JPH1: variants seen among roughly 807,000 people sequenced by gnomAD.
JPH1 encodes the protein junctophilin-1.
A neutral mutation model predicts 53.6 loss-of-function variants in JPH1; 12 were observed. That is an observed-to-expected ratio of 0.22 (90% CI 0.14 to 0.36). The LOEUF is 0.36. Among genes scored for constraint, JPH1 ranks in the 10% least tolerant of loss-of-function variants. JPH1 has a pLI of 1.00. For synonymous variants in JPH1, 375 were observed against 363.8 expected, an observed-to-expected ratio of 1.03 and a Z score of -0.35; for missense variants, 808 against 905.5, an observed-to-expected ratio of 0.89 and a Z score of 1.38.
intron 2 of JPH1, among the ~76,000 whole-genome samples, chr8:74,272,063 G>C (rs142371786): frequency 6.6e-6 from 1 of 152,200 alleles, no homozygotes; most frequent in African/African-American, 2.4e-5. Context: ...CTAACGTTAC[G>C]CATGTCCTGC....
At chr8:74,309,629 C>T (rs919560947) in intron 2 of JPH1, among the ~76,000 whole-genome samples, 2 of 152,106 alleles carry the variant, frequency 1.3e-5, no homozygotes, top group African/African-American at 4.8e-5. Flanking sequence ...CTTTGAACAC[C>T]TCATTTAAGG....
At chr8:74,237,981 A>G (rs1807048828) in intron 4 of JPH1, among the ~76,000 whole-genome samples, 1 of 152,210 alleles carries the variant, frequency 6.6e-6, no homozygotes, top group African/African-American at 2.4e-5. Context: ...ATTATAATAA[A>G]TACCAGATAG....
At chr8:74,313,096 C>G (rs563840729) in intron 2 of JPH1, among the ~76,000 whole-genome samples, 2 of 152,246 alleles carry the variant, frequency 1.3e-5, no homozygotes, top group South Asian at 2.1e-4. Context: ...AATGATAAGT[C>G]GTTTGTTAAA....
chr8:74,315,545 G>T lies in JPH1; in HGVS notation c.455C>A (p.Ala152Asp). The T allele has an allele frequency of 6.2e-7, 1 of 1,606,150 alleles. No individual in the cohort carries two copies. Residue 152 changes from alanine to aspartate, a missense_variant, in exon 2 of 6, where the codon GCC becomes GAC. Ala to Asp is a moderately radical substitution (Grantham distance 126). Transcript: ENST00000342232. This position sits in a 1 kb window ranked among gnomAD's most constrained non-coding sequence, Gnocchi z 6.3. ...ACGCAGCGGTGAGCGGATCACCGTG[G>T]CCATGCCGTAGGGCACGCTCTGGCG... is the stretch of plus-strand genomic sequence containing the variant. ...GVRQSVPYGM[A>D]TVIRSPLRTS...
intron 2 of JPH1, among the ~76,000 whole-genome samples, chr8:74,282,204 C>T (rs1244763790): frequency 6.6e-6 from 1 of 152,100 alleles, no homozygotes; most frequent in Non-Finnish European, 1.5e-5. Context: ...TGTGTTCTTC[C>T]CACACTCCAC....
intron 2 of JPH1, among the ~76,000 whole-genome samples, chr8:74,302,199 C>A (rs181120373): frequency 1.6e-3 from 251 of 152,324 alleles, no homozygotes; most frequent in African/African-American, 5.8e-3. Flanking sequence ...CAATGTGCAC[C>A]AGTGCATAAC....
At chr8:74,261,970 C>T (rs1283968992) in intron 2 of JPH1, among the ~76,000 whole-genome samples, 3 of 152,216 alleles carry the variant, frequency 2.0e-5, no homozygotes, top group African/African-American at 7.2e-5. Context: ...TACAGCTTAA[C>T]CTTTCTGCAA....
intron 2 of JPH1, among the ~76,000 whole-genome samples, chr8:74,311,551 T>C (rs1340203144): frequency 6.6e-6 from 1 of 152,140 alleles, no homozygotes; most frequent in Non-Finnish European, 1.5e-5. Context: ...CTTTAAGTTT[T>C]AGGGTATATG....
intron 2 of JPH1, among the ~76,000 whole-genome samples, chr8:74,297,855 T>C (rs1218035428): frequency 6.6e-6 from 1 of 152,104 alleles, no homozygotes; most frequent in African/African-American, 2.4e-5. Context: ...TTATTACCCC[T>C]TAAATAAAAA....
chr8:74,306,322 A>ATGAT (rs1221191402), intron 2 of JPH1, among the ~76,000 whole-genome samples: 3 of 152,310 alleles, frequency 2.0e-5, no homozygotes, highest in African/African-American at 4.8e-5. Flanking sequence ...AGAATTCTCA[A>ATGAT]TGATTGCTCC....
intron 2 of JPH1, among the ~76,000 whole-genome samples, chr8:74,296,913 T>C (rs2131440993): frequency 6.6e-6 from 1 of 152,316 alleles, no homozygotes; most frequent in East Asian, 1.9e-4. Context: ...TAACTCGAAG[T>C]CCACGTATAG....
chr8:74,316,718 C>G (rs1416985754), intron 1 of JPH1, among the ~76,000 whole-genome samples: 1 of 152,140 alleles, frequency 6.6e-6, no homozygotes, highest in African/African-American at 2.4e-5. Flanking sequence ...TCATGATAGT[C>G]TGTCATCTAG....
At chr8:74,259,650 G>A (rs1412507111) in intron 2 of JPH1, 147 bp from the exon 3 acceptor site, 36 of 570,718 alleles carry the variant, frequency 6.3e-5, no homozygotes, top group Middle Eastern at 5.9e-4. Context: ...TCCTATTGCC[G>A]TGAAATTTCA....
chr8:74,291,519 A>G (rs1386203265), intron 2 of JPH1, among the ~76,000 whole-genome samples: 1 of 152,228 alleles, frequency 6.6e-6, no homozygotes, highest in East Asian at 1.9e-4. Context: ...ACACTTTTAC[A>G]CTGTTGGTGG....
At position 74,315,803 on chromosome 8, in the gene JPH1, T is replaced by C. The variant is rs932870159; in HGVS notation, c.380-183A>G. ...CCCTGTAATTTTGGGTGTAAGGCTT[T>C]AATGTCATTGCACAGAATTTTCTAG... On this transcript the variant is annotated intron_variant, in intron 1 of 5. Transcript: ENST00000342232. The surrounding 1 kb of genome is among the most constrained non-coding windows in gnomAD (Gnocchi z 6.3). 6.6e-6 allele frequency among the ~76,000 whole-genome samples: 1 copy of C among 152,256 alleles called. No homozygotes were observed. The highest frequency in any genetic ancestry group is 1.5e-5 in the Non-Finnish European group (1 of 68,042).
chr8:74,259,372 A>G lies in JPH1; in HGVS notation c.1258+13T>C. 6.3e-7 allele frequency: 1 copy of G among 1,597,776 alleles called. No homozygotes were observed. Among genetic ancestry groups the G allele is most frequent in the East Asian group, 2.2e-5 (1 of 44,756 alleles). On this transcript the variant is annotated intron_variant, in intron 3 of 5. Transcript: ENST00000342232. ...GTGCTCCTGCCTCACCCATCAAAGG[A>G]GCACTGTTTTACCTGGTTGGTAGAA...
At position 74,314,879 on chromosome 8, in the gene JPH1, A is replaced by G. The variant is rs767595446; in HGVS notation, c.1121T>C (p.Val374Ala). The change falls in exon 2 of 6, where the codon GTG (valine) becomes GCG (alanine). Residue 374 changes from valine (V) to alanine (A), a missense_variant. Coordinates refer to ENST00000342232, the MANE Select transcript of JPH1 (RefSeq NM_020647.4). ...QRAAAMARTK[V>A]EIANSRTAHA... is the part of the protein sequence containing the mutation. ...TACTTACCTTGAATTTGCTATTTCC[A>G]CTTTGGTTCTGGCCATGGCAGCTGC... is the stretch of plus-strand genomic sequence containing the variant. 2 of 1,614,070 alleles carry G rather than the reference A, an allele frequency of 1.2e-6. No individual in the cohort carries two copies. The highest frequency in any genetic ancestry group is 1.1e-5 in the South Asian group (1 of 91,052).
At chr8:74,309,673 T>C (rs1807934172) in intron 2 of JPH1, among the ~76,000 whole-genome samples, 1 of 152,118 alleles carries the variant, frequency 6.6e-6, no homozygotes, top group Non-Finnish European at 1.5e-5. Context: ...GGAGTAAAAA[T>C]TGACGAAATG....
At chr8:74,245,203 A>G in intron 3 of JPH1, 28 bp from the exon 4 acceptor site, 2 of 1,538,322 alleles carry the variant, frequency 1.3e-6, no homozygotes, top group Non-Finnish European at 1.7e-6. Context: ...AAAAAAGAAA[A>G]AAAGAAAGGA....
Sources: allele counts gnomAD v4.1 joint callset (sites outside exome capture counted in the v4.1 genomes callset), GRCh38; gene constraint gnomAD v4.1.1; non-coding constraint Gnocchi (gnomAD v3.1); transcripts MANE v1.5; gene names NCBI Gene and HGNC (gene_info 2026-07-23, HGNC 2026-07-21).